Variants in HDAC9 observed in about 807,000 individuals in gnomAD.
The protein encoded by HDAC9 is histone deacetylase 9.
A neutral mutation model predicts 139.4 loss-of-function variants in HDAC9; 41 were observed. The ratio of observed to expected loss-of-function variants is 0.29; its 90% CI spans 0.23 to 0.38. The LOEUF (loss-of-function observed/expected upper bound fraction) is 0.38, where lower values mean the gene tolerates loss of function less well. Among genes scored for constraint, HDAC9 ranks in the 10% least tolerant of loss-of-function variants. The pLI, the probability that HDAC9 is intolerant of heterozygous loss-of-function variation, is 1.00. For missense variants in HDAC9, 1,147 were observed against 1,297.0 expected (o/e 0.88, Z 1.78); for synonymous variants, 517 against 476.2 (o/e 1.09, Z -1.12).
chr7:18,372,607 C>A (rs1392624417), intron 1 of HDAC9, among the ~76,000 whole-genome samples: 1 of 152,186 alleles, frequency 6.6e-6, no homozygotes, highest in Non-Finnish European at 1.5e-5. Context: ...GTAAGAGGGG[C>A]AGAGCTGTTA....
At chr7:18,990,243 CCTTT>C (rs1321131124) in intron 25 of HDAC9, among the ~76,000 whole-genome samples, 2 of 152,126 alleles carry the variant, frequency 1.3e-5, no homozygotes, top group African/African-American at 2.4e-5. Flanking sequence ...GTGTGGATGT[CCTTT>C]CTGTTTGTTA....
rs554526991 is a variant in HDAC9, at chr7:18,300,778, A to C, written c.-42+10263A>C. On this transcript the variant is annotated intron_variant, in intron 1 of 3. Coordinates refer to the HDAC9 transcript ENST00000413509. ...TTTTGTCTGTGCTTGCTAGAAAATAAATTTTGCATATATTCTAGAAGACAA... is the reference window on the plus strand; with the variant it reads ...TTTTGTCTGTGCTTGCTAGAAAATACATTTTGCATATATTCTAGAAGACAA... 3.9e-5 allele frequency among the ~76,000 whole-genome samples: 6 copies of C among 152,300 alleles called. No individual in the cohort carries two copies. In the South Asian group the frequency reaches 1.2e-3, roughly 32 times the overall value.
chr7:18,443,477 C>A (rs1429114707), intron 1 of HDAC9, among the ~76,000 whole-genome samples: 2 of 152,070 alleles, frequency 1.3e-5, no homozygotes, highest in South Asian at 2.1e-4. Flanking sequence ...AAGAAGTAAG[C>A]ACTAATTATA....
Position 18,932,864 on chromosome 7 carries a change from GAA to G in HDAC9, c.2804-2943_2804-2942del, listed in dbSNP as rs1554405287. ...GGAAGGAAAAAAAGAAAGAAAGAAAGAAAGAAAGAAAGAAAGGATGTCCTGAC... is the reference window on the plus strand; with the variant it reads ...GGAAGGAAAAAAAGAAAGAAAGAAAGAGAAAGAAAGAAAGGATGTCCTGAC... On this transcript the variant is annotated intron_variant, in intron 22 of 25. Transcript: ENST00000686413. Among the ~76,000 whole-genome samples, 2 of 150,432 alleles carry G rather than the reference GAA, an allele frequency of 1.3e-5. 1 individual carries two copies. Among genetic ancestry groups the G allele is most frequent in the South Asian group, 4.2e-4 (2 of 4,780 alleles).
intron 2 of HDAC9, among the ~76,000 whole-genome samples, chr7:18,223,493 A>G (rs1386307487): frequency 1.3e-5 from 2 of 151,696 alleles, no homozygotes; most frequent in Non-Finnish European, 2.9e-5. Context: ...CCTTTTATAG[A>G]TGGTGGGTAA....
At chr7:18,610,187 G>T (rs935910896) in intron 6 of HDAC9, among the ~76,000 whole-genome samples, 1 of 152,168 alleles carries the variant, frequency 6.6e-6, no homozygotes, top group Non-Finnish European at 1.5e-5. Flanking sequence ...TTAAGAACTC[G>T]TTAATTTTTA....
intron 16 of HDAC9, among the ~76,000 whole-genome samples, chr7:18,786,470 C>T (rs1320040667): frequency 2.9e-4 from 6 of 20,794 alleles, no homozygotes; most frequent in South Asian, 2.2e-3. Flanking sequence ...TCCTTCCTTT[C>T]GTCCTTCCTT....
In HDAC9 at chr7:18,748,906, A is replaced by G. The variant is rs1283975779; in HGVS notation, c.1910-99A>G. On this transcript the variant is annotated intron_variant, in intron 13 of 25. Transcript: ENST00000686413. ...TTCCTCCTTTGTTAAATTTATTTTA[A>G]GAATAATGACTTTTTTGGAGTTATC... The G allele has an allele frequency of 6.2e-6, 7 of 1,131,140 alleles. No individual in the cohort carries two copies. The South Asian group carries it at 1.1e-4, about 18-fold the overall frequency. The allele number at this position is 1,131,140 out of a possible 1,614,324, so 70.1% of individuals were successfully genotyped here.
chr7:18,383,978 A>G (rs557726482), intron 1 of HDAC9, among the ~76,000 whole-genome samples: 1 of 151,276 alleles, frequency 6.6e-6, no homozygotes, highest in Admixed American at 6.6e-5. Flanking sequence ...TACAAAACAT[A>G]CTGGGTATGT....
chr7:18,465,263 A>G (rs899654476), intron 1 of HDAC9, among the ~76,000 whole-genome samples: 8 of 151,960 alleles, frequency 5.3e-5, no homozygotes, highest in African/African-American at 1.7e-4. Context: ...GTATATTTCT[A>G]AAGATTCCCA....
At chr7:18,502,025 G>T (rs1180495040) in intron 2 of HDAC9, among the ~76,000 whole-genome samples, 1 of 152,122 alleles carries the variant, frequency 6.6e-6, no homozygotes, top group Non-Finnish European at 1.5e-5. Context: ...CCACTCTGCT[G>T]GTCTTAGCCT....
At chr7:18,633,099 T>C (rs1782838700) in intron 7 of HDAC9, among the ~76,000 whole-genome samples, 2 of 152,006 alleles carry the variant, frequency 1.3e-5, no homozygotes, top group South Asian at 4.1e-4. Flanking sequence ...ACATATGAAG[T>C]CATGATACTG....
intron 2 of HDAC9, among the ~76,000 whole-genome samples, chr7:18,519,436 C>T (rs1200976867): frequency 2.0e-5 from 3 of 151,998 alleles, no homozygotes. Context: ...ACCAGTAACT[C>T]AGTGGATAAA....
chr7:18,158,206 A>G (rs1008758707), intron 1 of HDAC9, among the ~76,000 whole-genome samples: 1 of 152,236 alleles, frequency 6.6e-6, no homozygotes, highest in Non-Finnish European at 1.5e-5. Context: ...CAACTGTAAT[A>G]AGCTCAGAGT....
chr7:18,410,114 C>A (rs1400705953), intron 1 of HDAC9, among the ~76,000 whole-genome samples: 3 of 151,992 alleles, frequency 2.0e-5, no homozygotes, highest in Admixed American at 2.0e-4. Flanking sequence ...AGTTTCTTCA[C>A]TCTCTTGGTA....
intron 1 of HDAC9, among the ~76,000 whole-genome samples, chr7:18,408,820 A>G (rs1373552133): frequency 6.6e-6 from 1 of 152,212 alleles, no homozygotes; most frequent in Non-Finnish European, 1.5e-5. Flanking sequence ...GAAGTATGTA[A>G]TAATTTCTAA....
At chr7:18,177,023 A>C (rs542807200) in intron 2 of HDAC9, among the ~76,000 whole-genome samples, 2 of 152,338 alleles carry the variant, frequency 1.3e-5, no homozygotes, top group South Asian at 4.1e-4. Flanking sequence ...TTTGAATTTC[A>C]ATAAAGTATG....
At chr7:18,901,323 T>A (rs1801701088) in intron 22 of HDAC9, among the ~76,000 whole-genome samples, 1 of 151,448 alleles carries the variant, frequency 6.6e-6, no homozygotes, top group African/African-American at 2.4e-5. Context: ...TTTGACTCTC[T>A]GCTGGGACAG....
intron 9 of HDAC9, 45 bp downstream of exon 9, chr7:18,644,838 C>G: frequency 1.3e-6 from 2 of 1,558,736 alleles, no homozygotes; most frequent in Non-Finnish European, 1.7e-6. Context: ...TAAGCAATAT[C>G]TTTTCACAGG....
Sources: gnomAD v4.1 joint callset for allele counts (sites outside exome capture counted in the v4.1 genomes callset) on GRCh38, gnomAD v4.1.1 for gene constraint, MANE v1.5 for transcripts, NCBI Gene and HGNC (gene_info 2026-07-23, HGNC 2026-07-21) for gene names.